Variants in PRKG1 observed in about 807,000 individuals in gnomAD.
PRKG1 encodes the protein protein kinase cGMP-dependent 1, also known as cGMP-dependent protein kinase 1.
PRKG1 carries 35 observed loss-of-function variants against 88.1 expected under a neutral mutation model. The observed-to-expected ratio is 0.40, with a 90% CI of 0.30 to 0.53. The LOEUF (loss-of-function observed/expected upper bound fraction) is 0.53, where lower values mean the gene tolerates loss of function less well. PRKG1 is among the 20% of genes least tolerant of loss of function. The probability of loss-of-function intolerance (pLI) is 0.59; values close to 1 mark genes in which losing one functional copy is unlikely to be tolerated. For missense variants in PRKG1, 540 were observed against 839.8 expected (o/e 0.64, Z 4.41); for synonymous variants, 303 against 292.5 (o/e 1.04, Z -0.37).
chr10:51,714,180 TG>T (rs2132438759), intron 3 of PRKG1, among the ~76,000 whole-genome samples: 1 of 152,218 alleles, frequency 6.6e-6, no homozygotes, highest in Admixed American at 6.5e-5. Flanking sequence ...GGGGTTTCAC[TG>T]TGTTGGCAGG....
intron 8 of PRKG1, among the ~76,000 whole-genome samples, chr10:52,159,214 A>G (rs1838212741): frequency 6.6e-6 from 1 of 151,572 alleles, no homozygotes. Context: ...CTGAATTTAA[A>G]AATAGTTTTT....
chr10:51,155,131 C>G (rs1014208263), intron 2 of PRKG1, among the ~76,000 whole-genome samples: 8 of 151,964 alleles, frequency 5.3e-5, no homozygotes, highest in African/African-American at 1.9e-4. Flanking sequence ...CTGTTTCATT[C>G]AAGAAACCAC....
intron 4 of PRKG1, among the ~76,000 whole-genome samples, chr10:51,865,609 T>C (rs557768473): frequency 4.1e-4 from 63 of 152,174 alleles, no homozygotes; most frequent in African/African-American, 1.4e-3. Context: ...TGCTGAAAGA[T>C]CTTTTCAATT....
chr10:52,062,639 G>C lies in PRKG1; in HGVS notation c.935+8G>C. On this transcript the variant is annotated splice_region_variant and intron_variant, in intron 7 of 17. Coordinates refer to ENST00000373980, the MANE Select transcript of PRKG1 (RefSeq NM_006258.4). The stretch of plus-strand genomic sequence containing the variant: ...AGAGAAAGCCTTGCAGGGGTAAGTA[G>C]ATCATGTGTTATACAGGTTTTTGTT... 1 of 1,576,262 alleles carries C rather than the reference G, an allele frequency of 6.3e-7. No individual in the cohort carries two copies. The highest frequency in any genetic ancestry group is 1.4e-5 in the African/African-American group (1 of 73,276).
chr10:51,570,799 A>T (rs1015827329), intron 3 of PRKG1, among the ~76,000 whole-genome samples: 1 of 151,886 alleles, frequency 6.6e-6, no homozygotes, highest in Non-Finnish European at 1.5e-5. Context: ...AAGAAATGAG[A>T]TCACTTCTTT....
At chr10:50,993,054 T>C (rs1228504231) in intron 1 of PRKG1, among the ~76,000 whole-genome samples, 1 of 152,102 alleles carries the variant, frequency 6.6e-6, no homozygotes, top group Non-Finnish European at 1.5e-5. Flanking sequence ...CCAGGTCAGC[T>C]CCAGGGCGCT....
intron 4 of PRKG1, among the ~76,000 whole-genome samples, chr10:51,887,221 G>T (rs182895282): frequency 1.3e-5 from 2 of 152,260 alleles, no homozygotes; most frequent in Admixed American, 1.3e-4. Flanking sequence ...CTGGCCTCAA[G>T]TGATCTCCCT....
At chr10:51,806,027 T>G (rs904054148) in intron 4 of PRKG1, among the ~76,000 whole-genome samples, 6 of 152,138 alleles carry the variant, frequency 3.9e-5, no homozygotes, top group Non-Finnish European at 8.8e-5. Context: ...TATATGTATG[T>G]GTTGATATAT....
At chr10:52,203,686 T>C (rs1467800647) in intron 9 of PRKG1, among the ~76,000 whole-genome samples, 1 of 152,256 alleles carries the variant, frequency 6.6e-6, no homozygotes, top group Non-Finnish European at 1.5e-5. Context: ...TTTATGAATC[T>C]AGCTGCTCAT....
intron 7 of PRKG1, among the ~76,000 whole-genome samples, chr10:52,106,739 A>AATAATAATG (rs1227389377): frequency 6.8e-6 from 1 of 147,176 alleles, no homozygotes; most frequent in Non-Finnish European, 1.5e-5. Context: ...TAATAATAAT[A>AATAATAATG]ATAATAATAA....
chr10:51,267,403 A>G (rs569375030), intron 2 of PRKG1, among the ~76,000 whole-genome samples: 76 of 152,358 alleles, frequency 5.0e-4, no homozygotes, highest in African/African-American at 1.5e-3. Context: ...AAGTTACTAC[A>G]TAAGTAAAAA....
chr10:51,794,236 C>T (rs1838949484), intron 3 of PRKG1, among the ~76,000 whole-genome samples: 1 of 151,914 alleles, frequency 6.6e-6, no homozygotes, highest in South Asian at 2.1e-4. Flanking sequence ...GAGAGATAAA[C>T]TGCAATAGGA....
intron 9 of PRKG1, among the ~76,000 whole-genome samples, chr10:52,203,302 A>G (rs985070604): frequency 1.4e-4 from 21 of 152,010 alleles, no homozygotes. Flanking sequence ...ATGTTGTTTA[A>G]TTTCCATGTA....
chr10:51,000,041 A>G (rs1842873206), intron 1 of PRKG1, among the ~76,000 whole-genome samples: 1 of 152,072 alleles, frequency 6.6e-6, no homozygotes, highest in Non-Finnish European at 1.5e-5. Flanking sequence ...ACCAGTTCAC[A>G]CTCCATTTGG....
intron 4 of PRKG1, among the ~76,000 whole-genome samples, chr10:51,872,543 C>T (rs914473896): frequency 1.3e-5 from 2 of 152,126 alleles, no homozygotes; most frequent in Non-Finnish European, 2.9e-5. Context: ...AAATTAACTA[C>T]AAGACTTATA....
chr10:51,208,324 A>C (rs974266178), intron 2 of PRKG1, among the ~76,000 whole-genome samples: 4 of 152,176 alleles, frequency 2.6e-5, no homozygotes, highest in African/African-American at 9.7e-5. Context: ...AATATGGTAA[A>C]ATTGTTATGG....
chr10:51,408,889 A>G (rs1837998852), intron 2 of PRKG1, among the ~76,000 whole-genome samples: 1 of 152,228 alleles, frequency 6.6e-6, no homozygotes, highest in South Asian at 2.1e-4. Flanking sequence ...CATGGGATAC[A>G]ATGATCTTCA....
intron 9 of PRKG1, among the ~76,000 whole-genome samples, chr10:52,162,312 A>G (rs1456526679): frequency 6.6e-6 from 1 of 152,138 alleles, no homozygotes; most frequent in African/African-American, 2.4e-5. Flanking sequence ...GTGGAATTGT[A>G]TCAAAAATAA....
At position 51,063,817 on chromosome 10, in the gene PRKG1, G is replaced by A. The variant is rs572522519; in HGVS notation, c.266+72173G>A. ...ATGATTGTGTTAAACAAAGACACAC[G>A]GTGCTCAATATGGAGTAGAACATTT... On this transcript the variant is annotated intron_variant, in intron 1 of 17. Transcript: ENST00000401604. Among the ~76,000 whole-genome samples, 81 of 152,174 alleles carry A rather than the reference G, an allele frequency of 5.3e-4. No individual in the cohort carries two copies. The South Asian group carries it at 0.015, about 27-fold the overall frequency.
Sources: allele counts gnomAD v4.1 joint callset (sites outside exome capture counted in the v4.1 genomes callset), GRCh38; gene constraint gnomAD v4.1.1; transcripts MANE v1.5; gene names NCBI Gene and HGNC (gene_info 2026-07-23, HGNC 2026-07-21).